Variants in NPAS3 observed in about 807,000 individuals in gnomAD.
NPAS3 encodes the protein neuronal PAS domain-containing protein 3.
A neutral mutation model predicts 73.1 loss-of-function variants in NPAS3; 14 were observed. The ratio of observed to expected loss-of-function variants is 0.19; its 90% CI spans 0.13 to 0.30. The LOEUF is 0.30. Ranked by LOEUF, NPAS3 falls within the 10% of genes least tolerant of loss-of-function variation. The pLI, the probability that NPAS3 is intolerant of heterozygous loss-of-function variation, is 1.00. For missense variants in NPAS3, 1,096 were observed against 1,250.0 expected (o/e 0.88, Z 1.86); for synonymous variants, 620 against 541.5 (o/e 1.14, Z -2.01).
At chr14:33,802,576 T>C (rs559156063), downstream of NPAS3, 2 of 152,338 alleles carry the variant, frequency 1.3e-5, no homozygotes, top group South Asian at 4.1e-4. Flanking sequence ...AATGTGTATG[T>C]GTCCTTGGCT....
At chr14:33,631,675 A>G (rs1172087167) in intron 5 of NPAS3, among the ~76,000 whole-genome samples, 1 of 152,122 alleles carries the variant, frequency 6.6e-6, no homozygotes, top group African/African-American at 2.4e-5. Flanking sequence ...TATCTTGTGA[A>G]CTCAGCTTAG....
intron 3 of NPAS3, among the ~76,000 whole-genome samples, chr14:33,339,888 C>A (rs1240532530): frequency 6.6e-6 from 1 of 151,264 alleles, no homozygotes; most frequent in African/African-American, 2.4e-5. Flanking sequence ...TAATATATGA[C>A]ACATAAAATA....
chr14:33,323,881 C>T (rs1382016781), intron 3 of NPAS3, among the ~76,000 whole-genome samples: 1 of 152,248 alleles, frequency 6.6e-6, no homozygotes, highest in Non-Finnish European at 1.5e-5. Context: ...AGCCTGCTAT[C>T]TTCTTCCTCT....
chr14:33,540,415 C>T (rs532055392), intron 4 of NPAS3, among the ~76,000 whole-genome samples: 1 of 152,298 alleles, frequency 6.6e-6, no homozygotes, highest in Admixed American at 6.5e-5. Flanking sequence ...GTGCAGCCAC[C>T]CCAAGGTGAC....
intron 8 of NPAS3, among the ~76,000 whole-genome samples, chr14:33,776,164 A>G (rs2062808562): frequency 6.6e-6 from 1 of 152,200 alleles, no homozygotes; most frequent in African/African-American, 2.4e-5. Context: ...GAAAGAACCA[A>G]GTTACAGCCC....
intron 5 of NPAS3, among the ~76,000 whole-genome samples, chr14:33,629,840 G>T (rs1233197723): frequency 6.6e-6 from 1 of 151,798 alleles, no homozygotes; most frequent in Admixed American, 6.6e-5. Context: ...TCAAACAACA[G>T]GCATTCAAAT....
chr14:33,755,909 AGGTGCCAGGTCT>A (rs1480670309), intron 7 of NPAS3, among the ~76,000 whole-genome samples: 1 of 152,224 alleles, frequency 6.6e-6, no homozygotes, highest in Admixed American at 6.5e-5. Context: ...AGACAGTGGG[AGGTGCCAGGTCT>A]TTAACAACCA....
At chr14:32,971,694 G>A (rs2037430831) in intron 1 of NPAS3, among the ~76,000 whole-genome samples, 3 of 151,980 alleles carry the variant, frequency 2.0e-5, no homozygotes, top group Non-Finnish European at 2.9e-5. Context: ...CTCAGTTGAG[G>A]ACTAATATCC....
intron 2 of NPAS3, among the ~76,000 whole-genome samples, chr14:33,205,337 T>A (rs1292629339): frequency 6.6e-6 from 1 of 152,220 alleles, no homozygotes; most frequent in East Asian, 1.9e-4. Flanking sequence ...TAAAGCTTAT[T>A]AAAAATGCAG....
chr14:32,988,836 T>A (rs2038200909), intron 1 of NPAS3, among the ~76,000 whole-genome samples: 1 of 152,240 alleles, frequency 6.6e-6, no homozygotes, highest in Non-Finnish European at 1.5e-5. Flanking sequence ...TTCTCTAAAT[T>A]TATTTATTCT....
At chr14:33,528,309 C>G (rs1328151274) in intron 4 of NPAS3, among the ~76,000 whole-genome samples, 1 of 151,854 alleles carries the variant, frequency 6.6e-6, no homozygotes, top group East Asian at 1.9e-4. Flanking sequence ...CACTTATTCA[C>G]TTGGTGAGCC....
At chr14:33,562,374 T>C (rs2055692180) in intron 5 of NPAS3, among the ~76,000 whole-genome samples, 2 of 152,286 alleles carry the variant, frequency 1.3e-5, no homozygotes, top group South Asian at 2.1e-4. Flanking sequence ...TCTTGACTTA[T>C]CCAGGGGCAG....
At chr14:33,525,422 T>C (rs2053754515) in intron 4 of NPAS3, among the ~76,000 whole-genome samples, 1 of 152,200 alleles carries the variant, frequency 6.6e-6, no homozygotes, top group South Asian at 2.1e-4. Context: ...GAGTATTTTT[T>C]AGCAAGCATT....
intron 2 of NPAS3, among the ~76,000 whole-genome samples, chr14:33,193,534 T>C (rs546766004): frequency 1.3e-5 from 2 of 152,324 alleles, no homozygotes; most frequent in Non-Finnish European, 2.9e-5. Flanking sequence ...GAGGATGACA[T>C]AGTGAGTGGA....
chr14:33,214,504 A>G (rs765020365), intron 2 of NPAS3: 4 of 152,202 alleles, frequency 2.6e-5, no homozygotes, highest in Non-Finnish European at 5.9e-5. Context: ...CTAGTATCTT[A>G]GAAAATCAAT....
At chr14:33,227,572 A>G (rs936149781) in intron 3 of NPAS3, among the ~76,000 whole-genome samples, 1 of 152,118 alleles carries the variant, frequency 6.6e-6, no homozygotes, top group Non-Finnish European at 1.5e-5. Context: ...TCACATAGCC[A>G]TTTTCTTGTC....
intron 4 of NPAS3, among the ~76,000 whole-genome samples, chr14:33,473,443 A>T (rs1189844487): frequency 3.9e-5 from 6 of 152,202 alleles, no homozygotes; most frequent in Admixed American, 1.3e-4. Context: ...AATGTTTTCT[A>T]GAGAGAACAA....
intron 2 of NPAS3, among the ~76,000 whole-genome samples, chr14:33,197,976 G>A (rs1049672617): frequency 6.6e-6 from 1 of 151,416 alleles, no homozygotes; most frequent in African/African-American, 2.4e-5. Context: ...CTTGTGGTGG[G>A]TTCATGGTCT....
intron 7 of NPAS3, among the ~76,000 whole-genome samples, chr14:33,739,803 C>T (rs2061611475): frequency 6.6e-6 from 1 of 152,176 alleles, no homozygotes; most frequent in Non-Finnish European, 1.5e-5. Context: ...TCTTCCAGAA[C>T]ATATTCCGTC....
Sources: gnomAD v4.1 joint callset for allele counts (sites outside exome capture counted in the v4.1 genomes callset) on GRCh38, gnomAD v4.1.1 for gene constraint, MANE v1.5 for transcripts, NCBI Gene and HGNC (gene_info 2026-07-23, HGNC 2026-07-21) for gene names.